Variants in SLC60A2 observed in about 807,000 individuals in gnomAD.
SLC60A2 encodes solute carrier family 60 member 2.
the SLC60A2 span, among the ~76,000 whole-genome samples, chr6:111,274,863 T>A: frequency 1.3e-5 from 2 of 152,328 alleles, no homozygotes; most frequent in East Asian, 1.9e-4. Flanking sequence ...TGTTATTTTT[T>A]AAAATTATTT....
chr6:111,269,695 G>A, the SLC60A2 span: 1 of 152,156 alleles, frequency 6.6e-6, no homozygotes, highest in Non-Finnish European at 1.5e-5. Context: ...GGGAGAGAAG[G>A]ATGATGATAA....
the SLC60A2 span, among the ~76,000 whole-genome samples, chr6:111,272,085 C>T: frequency 6.6e-6 from 1 of 152,276 alleles, no homozygotes; most frequent in South Asian, 2.1e-4. Context: ...TCACTGCAGC[C>T]CTGACCTCCC....
the SLC60A2 span, among the ~76,000 whole-genome samples, chr6:111,262,949 T>C: frequency 4.6e-5 from 7 of 152,154 alleles, no homozygotes; most frequent in African/African-American, 1.7e-4. Flanking sequence ...CTTTTTTTTT[T>C]TGAGACAGGG....
chr6:111,273,511 T>TGTTG, the SLC60A2 span, among the ~76,000 whole-genome samples: 4 of 149,520 alleles, frequency 2.7e-5, no homozygotes, highest in Non-Finnish European at 4.4e-5. Flanking sequence ...TTTTTTTTTT[T>TGTTG]TTGTTTAACA....
chr6:111,278,462 C>A, the SLC60A2 span: 1 of 152,114 alleles, frequency 6.6e-6, no homozygotes, highest in Non-Finnish European at 1.5e-5. Flanking sequence ...TTGGCTGTGT[C>A]CCCACCCAAA....
the SLC60A2 span, chr6:111,267,946 T>C: frequency 6.6e-6 from 1 of 152,210 alleles, no homozygotes; most frequent in African/African-American, 2.4e-5. Context: ...GCCCAAGGGG[T>C]CGGGCTTCAA....
At chr6:111,260,642 G>A in the SLC60A2 span, among the ~76,000 whole-genome samples, 2 of 152,272 alleles carry the variant, frequency 1.3e-5, no homozygotes, top group African/African-American at 4.8e-5. Context: ...GATCCTGGGG[G>A]AGTTGAGAGG....
At chr6:111,270,332 A>G in the SLC60A2 span, 1 of 152,218 alleles carries the variant, frequency 6.6e-6, no homozygotes, top group South Asian at 2.1e-4. Flanking sequence ...GGATCACCTT[A>G]GAGCATGCCT....
the SLC60A2 span, chr6:111,262,313 C>A: frequency 4.3e-6 from 7 of 1,614,066 alleles, no homozygotes; most frequent in Non-Finnish European, 5.9e-6. Flanking sequence ...CAAACGTGAA[C>A]CGAAATATCA....
chr6:111,275,069 C>T, the SLC60A2 span, among the ~76,000 whole-genome samples: 2 of 148,502 alleles, frequency 1.3e-5, no homozygotes, highest in Non-Finnish European at 3.0e-5. Flanking sequence ...ACTACAGTTG[C>T]ATGCCACCTT....
At chr6:111,264,901 C>T in the SLC60A2 span, among the ~76,000 whole-genome samples, 1 of 151,962 alleles carries the variant, frequency 6.6e-6, no homozygotes, top group Non-Finnish European at 1.5e-5. Context: ...CAAGACCAGC[C>T]TGACCAATAT....
chr6:111,265,640 T>G, the SLC60A2 span, among the ~76,000 whole-genome samples: 1 of 152,224 alleles, frequency 6.6e-6, no homozygotes, highest in Non-Finnish European at 1.5e-5. Context: ...AGTAGTCTAC[T>G]AGACTGTAGA....
chr6:111,274,670 GTATC>G, the SLC60A2 span, among the ~76,000 whole-genome samples: 3 of 152,034 alleles, frequency 2.0e-5, no homozygotes, highest in Non-Finnish European at 4.4e-5. Flanking sequence ...CCTCCTTTGT[GTATC>G]TATAACACTA....
chr6:111,259,666 G>A, the SLC60A2 span: 1 of 1,580,896 alleles, frequency 6.3e-7, no homozygotes, highest in Non-Finnish European at 8.6e-7. Flanking sequence ...CAGAGCGGTG[G>A]GACCGGGAGC....
At chr6:111,266,863 T>C in the SLC60A2 span, 3 of 1,613,982 alleles carry the variant, frequency 1.9e-6, no homozygotes, top group South Asian at 2.2e-5. Context: ...AGCTCCGGGC[T>C]AAATGAATAT....
At chr6:111,275,713 A>C in the SLC60A2 span, among the ~76,000 whole-genome samples, 1 of 152,186 alleles carries the variant, frequency 6.6e-6, no homozygotes, top group African/African-American at 2.4e-5. Flanking sequence ...CGGTCAGCTC[A>C]GAACAACTTG....
At chr6:111,276,586 T>A in the SLC60A2 span, among the ~76,000 whole-genome samples, 1 of 152,234 alleles carries the variant, frequency 6.6e-6, no homozygotes, top group Non-Finnish European at 1.5e-5. Context: ...CTTGAGGGCT[T>A]ACTGCATGTG....
At chr6:111,266,654 G>T in the SLC60A2 span, 1 of 1,614,178 alleles carries the variant, frequency 6.2e-7, no homozygotes, top group South Asian at 1.1e-5. Context: ...GTGCTTCCCT[G>T]GGAGAAATGG....
chr6:111,272,306 C>T, the SLC60A2 span, among the ~76,000 whole-genome samples: 1 of 151,922 alleles, frequency 6.6e-6, no homozygotes, highest in Non-Finnish European at 1.5e-5. Context: ...CCCAGCCCAC[C>T]TGTGATATTT....
Sources: gnomAD v4.1 joint callset for allele counts (sites outside exome capture counted in the v4.1 genomes callset) on GRCh38, gnomAD v4.1.1 for gene constraint, MANE v1.5 for transcripts, NCBI Gene and HGNC (gene_info 2026-07-23, HGNC 2026-07-21) for gene names.